The following IQUB variants were observed in gnomAD, a reference collection of about 807,000 sequenced individuals.
IQUB encodes IQ motif and ubiquitin domain containing, also known as IQ motif and ubiquitin-like domain-containing protein.
Under a neutral mutation model 86.4 loss-of-function variants are expected in IQUB, and 86 were observed. The observed-to-expected ratio is 1.00, with a 90% CI of 0.84 to 1.19. The LOEUF (loss-of-function observed/expected upper bound fraction) is 1.19, where lower values mean the gene tolerates loss of function less well. Ranked by LOEUF, IQUB falls within the 50% of genes most tolerant of loss-of-function variation. IQUB has a pLI of 0.00. For synonymous variants in IQUB, 289 were observed against 304.5 expected, an observed-to-expected ratio of 0.95 and a Z score of 0.53; for missense variants, 946 against 916.9, an observed-to-expected ratio of 1.03 and a Z score of -0.41.
chr7:123,493,491 C>T (rs1225532124), intron 7 of IQUB, among the ~76,000 whole-genome samples: 2 of 151,908 alleles, frequency 1.3e-5, no homozygotes, highest in African/African-American at 4.8e-5. Flanking sequence ...CCTATTGGAG[C>T]CTCAGTCAAA....
At chr7:123,484,027 T>C (rs369958576) in intron 7 of IQUB, among the ~76,000 whole-genome samples, 48 of 152,196 alleles carry the variant, frequency 3.2e-4, no homozygotes, top group East Asian at 3.1e-3. Context: ...TATCTAGTTT[T>C]ATAGTTTTAT....
intron 8 of IQUB, among the ~76,000 whole-genome samples, chr7:123,474,977 GCCTTTCA>G (rs976627621): frequency 6.6e-6 from 1 of 152,104 alleles, no homozygotes; most frequent in African/African-American, 2.4e-5. Flanking sequence ...TCAATTCTCT[GCCTTTCA>G]CCTTTGTGTG....
chr7:123,467,397 G>A (rs1269781867), intron 9 of IQUB, among the ~76,000 whole-genome samples: 1 of 152,060 alleles, frequency 6.6e-6, no homozygotes, highest in African/African-American at 2.4e-5. Context: ...CTGTGCTGAA[G>A]AGAGCCATCT....
In IQUB at chr7:123,478,283, G is replaced by A. The variant is rs530534957; in HGVS notation, c.1410+1512C>T. On this transcript the variant is annotated intron_variant, in intron 8 of 12. Transcript: ENST00000324698. Reference sequence around the variant, plus strand: ...ATGAGTTCACATCCTTTGCAGGGATGAAGCTGGAAACCATTATTCTGAGCA... The same window carrying A: ...ATGAGTTCACATCCTTTGCAGGGATAAAGCTGGAAACCATTATTCTGAGCA... Among the ~76,000 whole-genome samples, 3 of 150,672 alleles carry A rather than the reference G, an allele frequency of 2.0e-5. No homozygotes were observed. In the East Asian group the frequency reaches 5.8e-4, roughly 29 times the overall value.
rs1418683205 is a variant in IQUB at position 123,463,572 on chromosome 7, A to AAAT, written c.1758+1258_1758+1260dup. Among the ~76,000 whole-genome samples the AAAT allele has an allele frequency of 1.6e-4, 25 of 151,936 alleles. No individual in the cohort carries two copies. The South Asian group carries it at 2.9e-3, about 18-fold the overall frequency. ...ATGATTCCATTTATATGACCTTCTG[A>AAAT]AATAGATAAAACTATAAAAATAAAA... On this transcript the variant is annotated intron_variant, in intron 10 of 12. Coordinates refer to ENST00000324698, the MANE Select transcript of IQUB (RefSeq NM_178827.5).
chr7:123,457,218 T>C (rs940339672), intron 12 of IQUB, 163 bp downstream of exon 12: 5 of 966,290 alleles, frequency 5.2e-6, no homozygotes, highest in African/African-American at 1.8e-5. Context: ...ATTTAATCTG[T>C]GCCATATATG....
chr7:123,457,152 G>C (rs1490299941), intron 12 of IQUB: 1 of 970,848 alleles, frequency 1.0e-6, no homozygotes, highest in Non-Finnish European at 1.2e-6. Flanking sequence ...TATTAGGAGA[G>C]ACTGGTATGA....
chr7:123,495,297 G>A (rs933729551), intron 7 of IQUB, among the ~76,000 whole-genome samples: 2 of 151,840 alleles, frequency 1.3e-5, no homozygotes, highest in African/African-American at 2.4e-5. Flanking sequence ...CAATTTTTAC[G>A]TTACCAGGAA....
chr7:123,508,657 C>T (rs1401317781), intron 3 of IQUB, among the ~76,000 whole-genome samples: 2 of 152,220 alleles, frequency 1.3e-5, no homozygotes, highest in Non-Finnish European at 2.9e-5. Flanking sequence ...CTGGTTACTA[C>T]AATCTCAAAG....
intron 7 of IQUB, among the ~76,000 whole-genome samples, chr7:123,482,157 A>C (rs910873562): frequency 4.6e-5 from 7 of 152,100 alleles, no homozygotes; most frequent in Non-Finnish European, 7.4e-5. Context: ...ATGTTTATAC[A>C]GGAAATCATA....
chr7:123,463,740 A>T (rs1794111654), intron 10 of IQUB, among the ~76,000 whole-genome samples: 1 of 151,780 alleles, frequency 6.6e-6, no homozygotes, highest in African/African-American at 2.4e-5. Flanking sequence ...CATTTTTCAG[A>T]ACTTACCAAA....
chr7:123,532,816 G>C (rs1797599106), intron 1 of IQUB: 1 of 152,238 alleles, frequency 6.6e-6, no homozygotes, highest in East Asian at 1.9e-4. Context: ...TGCCCCTCTG[G>C]GGCCTGCGAG....
At chr7:123,514,040 T>C (rs1042565652) in intron 1 of IQUB, among the ~76,000 whole-genome samples, 4 of 152,190 alleles carry the variant, frequency 2.6e-5, no homozygotes, top group Non-Finnish European at 4.4e-5. Flanking sequence ...AACATAAATA[T>C]ATACCAAACA....
At chr7:123,533,381 G>A (rs1419086092) in intron 1 of IQUB, among the ~76,000 whole-genome samples, 1 of 152,112 alleles carries the variant, frequency 6.6e-6, no homozygotes, top group East Asian at 1.9e-4. Context: ...CCCCTTGACT[G>A]TTTCCTTACA....
At position 123,509,958 on chromosome 7, in the gene IQUB, C is replaced by T; in HGVS notation, c.475G>A (p.Asp159Asn). The change falls in exon 3 of 13, where the codon GAC (aspartate) becomes AAC (asparagine). Residue 159 changes from aspartate (D) to asparagine (N), a missense_variant. Transcript: ENST00000324698. The stretch of plus-strand genomic sequence containing the variant: ...ATACCTAATAAGTGTGAAAAATGGT[C>T]CTTAAGATATTTAAGAATGGTATCA... ...KVDTILKYLKDHFSHLLGIPH... is the reference protein window; with the variant it reads ...KVDTILKYLKNHFSHLLGIPH... 2 of 1,607,236 alleles carry T rather than the reference C, an allele frequency of 1.2e-6. No homozygotes were observed. The highest frequency in any genetic ancestry group is 1.7e-6 in the Non-Finnish European group (2 of 1,175,586).
chr7:123,476,729 T>C (rs777106597), intron 8 of IQUB, among the ~76,000 whole-genome samples: 7 of 151,446 alleles, frequency 4.6e-5, no homozygotes, highest in Non-Finnish European at 7.4e-5. Context: ...ACCTGTCTCA[T>C]GACATCCTCC....
rs116852684 is a variant in IQUB, at chr7:123,520,492, C to T, written c.-4-8148G>A. ...AAGTATATGTGTGGGGAAGGAATGC[C>T]TCTCTGGTTGAAATGACATCTGAGC... is the stretch of plus-strand genomic sequence containing the variant. On this transcript the variant is annotated intron_variant, in intron 1 of 12. Coordinates refer to ENST00000324698, the MANE Select transcript of IQUB (RefSeq NM_178827.5). Among the ~76,000 whole-genome samples, 41 of 152,192 alleles carry T rather than the reference C, an allele frequency of 2.7e-4. 1 individual carries two copies. Among genetic ancestry groups the T allele is most frequent in the Admixed American group, 1.5e-3 (23 of 15,286 alleles).
rs556727176 is a variant in IQUB, at chr7:123,515,752, T to C, written c.-4-3408A>G. Among the ~76,000 whole-genome samples the C allele has an allele frequency of 6.5e-4, 99 of 152,354 alleles. 2 individuals carry two copies. In the South Asian group the frequency reaches 0.019, roughly 29 times the overall value. On this transcript the variant is annotated intron_variant, in intron 1 of 12. Transcript: ENST00000324698. ...AATAATATTTTTTAAAGCTCTCTAATAGCAAGTGCTAGTGAGTGCATATAA... is the reference window on the plus strand; with the variant it reads ...AATAATATTTTTTAAAGCTCTCTAACAGCAAGTGCTAGTGAGTGCATATAA...
intron 3 of IQUB, among the ~76,000 whole-genome samples, chr7:123,506,244 AAC>A (rs1489901688): frequency 1.3e-5 from 2 of 152,148 alleles, no homozygotes; most frequent in Non-Finnish European, 2.9e-5. Flanking sequence ...GGAAGCTCCA[AAC>A]TTTCCCTCAT....
Sources: allele counts gnomAD v4.1 joint callset (sites outside exome capture counted in the v4.1 genomes callset), GRCh38; gene constraint gnomAD v4.1.1; transcripts MANE v1.5; gene names NCBI Gene and HGNC (gene_info 2026-07-23, HGNC 2026-07-21).